The following THSD4 variants were observed in gnomAD, a reference collection of about 807,000 sequenced individuals.
The protein encoded by THSD4 is thrombospondin type 1 domain containing 4.
Under a neutral mutation model 119.0 loss-of-function variants are expected in THSD4, and 69 were observed. The ratio of observed to expected loss-of-function variants is 0.58; its 90% CI spans 0.48 to 0.71. The LOEUF is 0.71. Among genes scored for constraint, THSD4 ranks in the 30% least tolerant of loss-of-function variants. The pLI is 0.00. For missense variants in THSD4, 1,393 were observed against 1,391.1 expected (o/e 1.00, Z -0.02); for synonymous variants, 524 against 540.4 (o/e 0.97, Z 0.42).
intron 3 of THSD4, among the ~76,000 whole-genome samples, chr15:71,169,577 AAC>A (rs1353672683): frequency 6.6e-6 from 1 of 152,204 alleles, no homozygotes; most frequent in Admixed American, 6.5e-5. Flanking sequence ...TATACAAGAG[AAC>A]ACCAAACAAC....
At chr15:71,410,665 G>A (rs2046674281) in intron 6 of THSD4, among the ~76,000 whole-genome samples, 1 of 152,160 alleles carries the variant, frequency 6.6e-6, no homozygotes, top group Admixed American at 6.6e-5. Context: ...TCATAATGGA[G>A]GAATTATTAC....
chr15:71,564,380 G>A (rs1452364612), intron 7 of THSD4, among the ~76,000 whole-genome samples: 1 of 152,160 alleles, frequency 6.6e-6, no homozygotes, highest in African/African-American at 2.4e-5. Context: ...GGAAAGTCAG[G>A]GAATGTTTCA....
chr15:71,567,951 C>T (rs946242850), intron 7 of THSD4, among the ~76,000 whole-genome samples: 4 of 152,240 alleles, frequency 2.6e-5, no homozygotes, highest in Admixed American at 1.3e-4. Flanking sequence ...ACCCACCTTA[C>T]CCTTTATTTC....
At chr15:71,565,325 G>A (rs779202155) in intron 7 of THSD4, among the ~76,000 whole-genome samples, 3 of 152,264 alleles carry the variant, frequency 2.0e-5, no homozygotes, top group Non-Finnish European at 2.9e-5. Context: ...AATCATAAGC[G>A]ATAATTATAT....
intron 7 of THSD4, among the ~76,000 whole-genome samples, chr15:71,539,259 C>T (rs920589721): frequency 6.6e-6 from 1 of 152,246 alleles, no homozygotes; most frequent in Non-Finnish European, 1.5e-5. Context: ...CCTGCTTCTG[C>T]TTCTCCTTTC....
chr15:71,694,254 A>G (rs2052117171), intron 8 of THSD4, among the ~76,000 whole-genome samples: 1 of 152,192 alleles, frequency 6.6e-6, no homozygotes, highest in African/African-American at 2.4e-5. Flanking sequence ...CTGATTCAGA[A>G]TACTTGGATT....
chr15:71,639,836 CAAA>C (rs56797617), intron 7 of THSD4, among the ~76,000 whole-genome samples: 9 of 140,576 alleles, frequency 6.4e-5, no homozygotes, highest in Non-Finnish European at 1.2e-4. Flanking sequence ...TTTTATTTAG[CAAA>C]AAAAAAAAAA....
At chr15:71,421,422 G>T (rs1020649379) in intron 7 of THSD4, among the ~76,000 whole-genome samples, 5 of 152,110 alleles carry the variant, frequency 3.3e-5, no homozygotes, top group African/African-American at 1.2e-4. Flanking sequence ...TATTTGAAGG[G>T]TGTTTTCGCC....
intron 7 of THSD4, among the ~76,000 whole-genome samples, chr15:71,630,085 A>G (rs2050594033): frequency 6.6e-6 from 1 of 152,264 alleles, no homozygotes; most frequent in East Asian, 1.9e-4. Context: ...GCTCTCAATC[A>G]TGTTCTTTCT....
intron 7 of THSD4, among the ~76,000 whole-genome samples, chr15:71,569,291 T>G (rs2049303851): frequency 6.6e-6 from 1 of 151,758 alleles, no homozygotes; most frequent in South Asian, 2.1e-4. Context: ...ATGTCACTGT[T>G]AAAGGGAAAG....
At chr15:71,408,332 A>G (rs2046635671) in intron 6 of THSD4, among the ~76,000 whole-genome samples, 1 of 152,132 alleles carries the variant, frequency 6.6e-6, no homozygotes, top group Non-Finnish European at 1.5e-5. Context: ...TCCTGGGCTC[A>G]AAGGATCCTC....
chr15:71,698,106 C>T lies in THSD4; in HGVS notation c.1358-30443C>T, dbSNP rs139404231. On this transcript the variant is annotated intron_variant, in intron 8 of 17. Transcript: ENST00000261862. ...GCCCCAGGACCTGGGGGCTATGTGG[C>T]ACACTCCTTGAAAATCATTTGGTAC... Among the ~76,000 whole-genome samples the T allele has an allele frequency of 8.7e-3, 1,319 of 152,236 alleles. 18 individuals carry two copies. The highest frequency in any genetic ancestry group is 0.03 in the African/African-American group (1,258 of 41,526).
chr15:71,537,624 A>G (rs1225720133), intron 7 of THSD4, among the ~76,000 whole-genome samples: 1 of 152,136 alleles, frequency 6.6e-6, no homozygotes, highest in Non-Finnish European at 1.5e-5. Flanking sequence ...CCTGCACCAG[A>G]CAAAAAGTTC....
intron 7 of THSD4, among the ~76,000 whole-genome samples, chr15:71,477,592 T>G (rs1483079372): frequency 6.6e-6 from 1 of 152,218 alleles, no homozygotes; most frequent in Admixed American, 6.5e-5. Flanking sequence ...CTTTTCTTCT[T>G]GAGCAACTCT....
At chr15:71,630,859 G>T (rs533859542) in intron 7 of THSD4, among the ~76,000 whole-genome samples, 1 of 152,130 alleles carries the variant, frequency 6.6e-6, no homozygotes, top group African/African-American at 2.4e-5. Flanking sequence ...GGCTCCTCAC[G>T]GCAAAGGTTT....
chr15:71,100,315 T>C (rs1862542227), intron 1 of THSD4, among the ~76,000 whole-genome samples: 2 of 152,192 alleles, frequency 1.3e-5, no homozygotes, highest in Admixed American at 6.5e-5. Flanking sequence ...CTCCATAGAC[T>C]CACTCTCTTC....
chr15:71,519,190 A>G (rs1205640202), intron 7 of THSD4, among the ~76,000 whole-genome samples: 1 of 151,984 alleles, frequency 6.6e-6, no homozygotes, highest in Non-Finnish European at 1.5e-5. Flanking sequence ...CCCTGGGGTG[A>G]TTGAGTGCCA....
chr15:71,248,374 A>G (rs929026232), intron 5 of THSD4, among the ~76,000 whole-genome samples: 7 of 152,180 alleles, frequency 4.6e-5, no homozygotes, highest in East Asian at 1.9e-4. Flanking sequence ...TCCGAATTCA[A>G]CACTTTCTTT....
At chr15:71,555,652 C>T (rs2049005190) in intron 7 of THSD4, among the ~76,000 whole-genome samples, 1 of 152,150 alleles carries the variant, frequency 6.6e-6, no homozygotes, top group South Asian at 2.1e-4. Flanking sequence ...TGAATGTATC[C>T]ATTTTATTTC....
Sources: gnomAD v4.1 joint callset for allele counts (sites outside exome capture counted in the v4.1 genomes callset) on GRCh38, gnomAD v4.1.1 for gene constraint, MANE v1.5 for transcripts, NCBI Gene and HGNC (gene_info 2026-07-23, HGNC 2026-07-21) for gene names.